The following HOXB3 variants were observed in gnomAD, a reference collection of about 807,000 sequenced individuals.
The protein encoded by HOXB3 is homeobox protein Hox-B3.
A neutral mutation model predicts 29.2 loss-of-function variants in HOXB3; 17 were observed. The observed-to-expected ratio is 0.58, with a 90% confidence interval of 0.40 to 0.87. HOXB3 has a LOEUF of 0.87. HOXB3 is among the 40% of genes least tolerant of loss of function. The pLI is 0.00. For missense variants in HOXB3, 637 were observed against 616.3 expected (o/e 1.03, Z -0.35); for synonymous variants, 317 against 285.9 (o/e 1.11, Z -1.10).
intron 2 of HOXB3, among the ~76,000 whole-genome samples, chr17:48,572,743 T>C (rs1381454457): frequency 6.6e-6 from 1 of 152,068 alleles, no homozygotes. Context: ...TAATCCAAAA[T>C]TTCCAAAATA....
chr17:48,580,511 G>A (rs1215186394), intron 1 of HOXB3: 1 of 152,072 alleles, frequency 6.6e-6, no homozygotes, highest in African/African-American at 2.4e-5. Flanking sequence ...GTGGTAAAAA[G>A]AGAGAGAAAC....
chr17:48,564,228 G>A (rs1313165610), intron 2 of HOXB3, among the ~76,000 whole-genome samples: 1 of 151,832 alleles, frequency 6.6e-6, no homozygotes, highest in African/African-American at 2.4e-5. Context: ...GCGGTCTTCC[G>A]CTAGGGCGCG....
intron 1 of HOXB3, among the ~76,000 whole-genome samples, chr17:48,588,661 T>C (rs1451393505): frequency 2.0e-5 from 3 of 152,214 alleles, no homozygotes; most frequent in African/African-American, 4.8e-5. Context: ...GGGGATCCTT[T>C]GGGAGATGAC....
At position 48,550,651 on chromosome 17, in the gene HOXB3, G is replaced by A; in HGVS notation, c.979C>T (p.Pro327Ser). Residue 327 changes from proline (P) to serine (S), a missense_variant, in exon 5 of 5, where the codon CCC becomes TCC. Coordinates refer to ENST00000498678, the MANE Select transcript of HOXB3 (RefSeq NM_001384749.1). The stretch of plus-strand genomic sequence containing the variant: ...TGGAGGACGTGCGGCTCATACTCGG[G>A]CGCCGGGGTCGGAGGGTACTTCTGC... ...APQKYPPTPAPEYEPHVLQAN... is the reference protein window; with the variant it reads ...APQKYPPTPASEYEPHVLQAN... The A allele has an allele frequency of 1.3e-6, 2 of 1,525,268 alleles. No individual in the cohort carries two copies. Among genetic ancestry groups the A allele is most frequent in the Non-Finnish European group, 1.8e-6 (2 of 1,139,310 alleles). 94.5% of individuals were successfully genotyped at this position (1,525,268 alleles called of 1,614,324 possible).
rs1260484796 is a variant in HOXB3 at position 48,550,462 on chromosome 17, G to A, written c.1168C>T (p.Pro390Ser). The A allele has an allele frequency of 6.2e-7, 1 of 1,612,760 alleles. No individual in the cohort carries two copies. The highest frequency in any genetic ancestry group is 1.1e-5 in the South Asian group (1 of 91,032). The change falls in exon 5 of 5, where the codon CCC becomes TCC. Residue 390 changes from proline (P) to serine (S), a missense_variant. Physicochemically the swap from Pro to Ser is moderately conservative, Grantham distance 74. Coordinates refer to ENST00000498678, the MANE Select transcript of HOXB3 (RefSeq NM_001384749.1). ...PSGNLDYNGA[P>S]PMAPSQHHGP... ...TGGTGCTGGCTGGGCGCCATAGGGG[G>A]CGCCCCGTTGTAGTCCAGGTTCCCG...
At chr17:48,581,828 C>T (rs1401124466) in intron 1 of HOXB3, 3 of 152,328 alleles carry the variant, frequency 2.0e-5, no homozygotes, top group Non-Finnish European at 4.4e-5. Context: ...CTGCCAATCC[C>T]ACCAAGGCGC....
At chr17:48,564,549 A>G (rs1201757465) in intron 2 of HOXB3, among the ~76,000 whole-genome samples, 1 of 152,210 alleles carries the variant, frequency 6.6e-6, no homozygotes, top group Non-Finnish European at 1.5e-5. Context: ...CGGGCCGCGC[A>G]GGGCTGCGGG....
At chr17:48,561,088 G>A (rs988628532) in intron 2 of HOXB3, among the ~76,000 whole-genome samples, 4 of 152,036 alleles carry the variant, frequency 2.6e-5, no homozygotes, top group Non-Finnish European at 4.4e-5. Flanking sequence ...GCTGAGGCAG[G>A]AGAATCGCTT....
chr17:48,550,222 AGCCTG>A lies in HOXB3; in HGVS notation c.*107_*111del. ...AGCTCCAGGCCGGTTCTGACCAGGA[AGCCTG>A]GGTACCACCTTCTCTGGCTCCTCTT... On this transcript the variant is annotated 3_prime_UTR_variant, in exon 5 of 5. Transcript: ENST00000498678. 6.9e-7 allele frequency: 1 copy of A among 1,443,654 alleles called. No individual in the cohort carries two copies. Among genetic ancestry groups the A allele is most frequent in the Non-Finnish European group, 9.4e-7 (1 of 1,066,222 alleles). The allele number at this position is 1,443,654 out of a possible 1,614,324, so 89.4% of individuals were successfully genotyped here. A position where few individuals can be genotyped will look rare whatever the true frequency, so the allele number is the denominator to read the frequency against.
chr17:48,550,833 G>T lies in HOXB3; in HGVS notation c.797C>A (p.Pro266Gln), dbSNP rs774344428. 6.2e-7 allele frequency: 1 copy of T among 1,613,648 alleles called. No individual in the cohort carries two copies. Among genetic ancestry groups the T allele is most frequent in the Non-Finnish European group, 8.5e-7 (1 of 1,179,794 alleles). The change falls in exon 5 of 5, where the codon CCG becomes CAG. Residue 266 changes from proline (P) to glutamine (Q), a missense_variant. Pro to Gln is a moderately conservative substitution (Grantham distance 76). Coordinates refer to ENST00000498678, the MANE Select transcript of HOXB3 (RefSeq NM_001384749.1). ...GCCGGCCGTGGACTGCATGGGCTGC[G>T]GGGGGCTGCCGGCTGGAGATGGGCC... is the stretch of plus-strand genomic sequence containing the variant. Reference protein sequence around the residue: ...SGGPSPAGSPPQPMQSTAGFM... With the variant: ...SGGPSPAGSPQQPMQSTAGFM...
chr17:48,559,236 G>A (rs1423205928), intron 2 of HOXB3, among the ~76,000 whole-genome samples: 2 of 152,112 alleles, frequency 1.3e-5, no homozygotes, highest in African/African-American at 2.4e-5. Context: ...CCTCGGCGGC[G>A]GGATCGTGCC....
At chr17:48,586,875 G>A (rs1431775836) in intron 1 of HOXB3, among the ~76,000 whole-genome samples, 1 of 152,150 alleles carries the variant, frequency 6.6e-6, no homozygotes, top group African/African-American at 2.4e-5. Context: ...GAAGTCGAAA[G>A]GAAGGTGAGG....
Position 48,552,376 on chromosome 17 carries a change from G to A in HOXB3, c.99C>T (p.Pro33=). 1.2e-6 allele frequency: 2 copies of A among 1,613,566 alleles called. No individual in the cohort carries two copies. The highest frequency in any genetic ancestry group is 1.7e-6 in the Non-Finnish European group (2 of 1,179,628). ...GSNGFGFDVP[P]QPPFQAATHL... ...GCGTGGCGGCCTGAAATGGGGGTTGGGGGGGGACATCGAAGCCGAAGCCAT... is the reference window on the plus strand; with the variant it reads ...GCGTGGCGGCCTGAAATGGGGGTTGAGGGGGGACATCGAAGCCGAAGCCAT... The change falls in exon 4 of 5, where the codon CCC becomes CCT. Residue 33 remains proline (P), a synonymous_variant. Transcript: ENST00000498678.
At chr17:48,552,824 T>C in intron 3 of HOXB3, 192 bp from the exon 4 acceptor site, 1 of 241,370 alleles carries the variant, frequency 4.1e-6, no homozygotes. Context: ...AAATAAAGAC[T>C]ATATGCCTTT....
At position 48,549,343 on chromosome 17, in the gene HOXB3, TCTCA is replaced by T. The variant is rs2068627646; in HGVS notation, c.*987_*990del. On this transcript the variant is annotated 3_prime_UTR_variant, in exon 5 of 5. Coordinates refer to ENST00000498678, the MANE Select transcript of HOXB3 (RefSeq NM_001384749.1). ...CTGGACTTCTGCAGGCCCAGACATC[TCTCA>T]CAGTTGTTTTTACATCCATTAAAAT... 1 of 152,618 alleles carries T rather than the reference TCTCA, an allele frequency of 6.6e-6. No individual in the cohort carries two copies. The highest frequency in any genetic ancestry group is 2.4e-5 in the African/African-American group (1 of 41,450). The allele number at this position is 152,618 out of a possible 1,614,324, so 9.5% of individuals were successfully genotyped here. A position where few individuals can be genotyped will look rare whatever the true frequency, so the allele number is the denominator to read the frequency against.
At chr17:48,558,926 G>GGT (rs999240313) in intron 2 of HOXB3, among the ~76,000 whole-genome samples, 21 of 150,896 alleles carry the variant, frequency 1.4e-4, no homozygotes, top group South Asian at 2.1e-4. Context: ...ATGTGTGTAG[G>GGT]GTGTGTGTGT....
At chr17:48,577,920 A>G in intron 1 of HOXB3, 1 of 1,371,558 alleles carries the variant, frequency 7.3e-7, no homozygotes, top group Non-Finnish European at 9.5e-7. Context: ...TTGCACGCGG[A>G]GTGGGACGGG....
At chr17:48,581,136 T>G (rs949692847) in intron 1 of HOXB3, 1 of 152,168 alleles carries the variant, frequency 6.6e-6, no homozygotes, top group Non-Finnish European at 1.5e-5. Context: ...ACTCCAGAGA[T>G]CTCTGCCTAT....
At chr17:48,564,303 GC>G (rs1270672097) in intron 2 of HOXB3, among the ~76,000 whole-genome samples, 2 of 151,766 alleles carry the variant, frequency 1.3e-5, no homozygotes, top group Non-Finnish European at 2.9e-5. Flanking sequence ...CGGACCCTCG[GC>G]CCAGGCTGGG....
Sources: gnomAD v4.1 joint callset for allele counts (sites outside exome capture counted in the v4.1 genomes callset) on GRCh38, gnomAD v4.1.1 for gene constraint, MANE v1.5 for transcripts, NCBI Gene and HGNC (gene_info 2026-07-23, HGNC 2026-07-21) for gene names.